RAD54L2: variants seen among roughly 807,000 people sequenced by gnomAD.
RAD54L2 encodes RAD54 like 2.
RAD54L2 carries 27 observed loss-of-function variants against 138.4 expected under a neutral mutation model. The observed-to-expected ratio is 0.20, with a 90% CI of 0.14 to 0.27. RAD54L2 has a LOEUF of 0.27. Among genes scored for constraint, RAD54L2 ranks in the 10% least tolerant of loss-of-function variants. RAD54L2 has a pLI of 1.00. For synonymous variants in RAD54L2, 644 were observed against 723.2 expected (o/e 0.89, Z 1.76); for missense variants, 1,396 against 1,890.2 (o/e 0.74, Z 4.85).
At chr3:51,584,649 T>C (rs1322993267) in intron 2 of RAD54L2, among the ~76,000 whole-genome samples, 1 of 148,090 alleles carries the variant, frequency 6.8e-6, no homozygotes, top group Non-Finnish European at 1.5e-5. Flanking sequence ...TATATATATA[T>C]GCTATATATA....
intron 3 of RAD54L2, among the ~76,000 whole-genome samples, chr3:51,607,920 G>A (rs1236994492): frequency 5.0e-5 from 7 of 139,444 alleles, no homozygotes; most frequent in Admixed American, 2.7e-4. Context: ...GCGGCTGGCC[G>A]GGCGGGGGCT....
chr3:51,553,170 C>T (rs908606694), intron 2 of RAD54L2, among the ~76,000 whole-genome samples: 2 of 152,060 alleles, frequency 1.3e-5, no homozygotes, highest in African/African-American at 2.4e-5. Context: ...CTCCACCTCC[C>T]GAGTTCAAGT....
intron 2 of RAD54L2, 143 bp from the exon 3 acceptor site, chr3:51,590,224 C>T (rs746498240): frequency 1.0e-4 from 52 of 509,724 alleles, no homozygotes; most frequent in Middle Eastern, 1.1e-3. Context: ...CTCCTGACCT[C>T]AAGTGATCCA....
chr3:51,577,490 T>G (rs957260623), intron 2 of RAD54L2, among the ~76,000 whole-genome samples: 8 of 152,134 alleles, frequency 5.3e-5, no homozygotes, highest in South Asian at 2.1e-4. Context: ...AAGTCTCTTT[T>G]TAGGTCTCTA....
intron 3 of RAD54L2, among the ~76,000 whole-genome samples, chr3:51,604,933 T>C (rs1700147454): frequency 6.6e-6 from 1 of 152,032 alleles, no homozygotes. Context: ...CTTTTTTTCT[T>C]TTTTTTGAGA....
At chr3:51,658,330 T>C (rs954190351) in intron 21 of RAD54L2, among the ~76,000 whole-genome samples, 1 of 151,750 alleles carries the variant, frequency 6.6e-6, no homozygotes, top group African/African-American at 2.4e-5. Flanking sequence ...TAAGCCTACA[T>C]ACATTTACCC....
intron 2 of RAD54L2, among the ~76,000 whole-genome samples, chr3:51,560,299 G>T (rs1341123823): frequency 1.3e-5 from 2 of 151,492 alleles, no homozygotes; most frequent in Non-Finnish European, 2.9e-5. Flanking sequence ...TTTTATTGAG[G>T]TTTGAAGAGC....
At chr3:51,633,783 A>G in intron 8 of RAD54L2, 24 bp downstream of exon 8, 2 of 1,613,110 alleles carry the variant, frequency 1.2e-6, no homozygotes, top group Non-Finnish European at 1.7e-6. Flanking sequence ...GGAAGGCACC[A>G]CTTAAGTCAC....
intron 6 of RAD54L2, 108 bp from the exon 7 acceptor site, chr3:51,630,597 T>C: frequency 1.9e-6 from 2 of 1,052,544 alleles, no homozygotes; most frequent in Non-Finnish European, 2.8e-6. Flanking sequence ...TTTTAATAAG[T>C]GTTGACAAGT....
intron 2 of RAD54L2, among the ~76,000 whole-genome samples, chr3:51,551,679 C>T (rs1055253919): frequency 1.3e-4 from 20 of 152,094 alleles, no homozygotes; most frequent in Admixed American, 1.0e-3. Context: ...AAATGACCCA[C>T]CTGCCTCGGC....
At chr3:51,622,879 T>G (rs1482403324) in intron 3 of RAD54L2, among the ~76,000 whole-genome samples, 1 of 152,202 alleles carries the variant, frequency 6.6e-6, no homozygotes, top group Non-Finnish European at 1.5e-5. Context: ...TTCCTTCATT[T>G]TAGCTGGTGC....
At chr3:51,611,406 T>C (rs1243551340) in intron 3 of RAD54L2, 3 of 152,156 alleles carry the variant, frequency 2.0e-5, no homozygotes, top group Non-Finnish European at 4.4e-5. Flanking sequence ...ACTGTTTATG[T>C]TGCAAACAAT....
chr3:51,650,306 A>G (rs1317931353), intron 19 of RAD54L2, among the ~76,000 whole-genome samples: 1 of 152,174 alleles, frequency 6.6e-6, no homozygotes, highest in Non-Finnish European at 1.5e-5. Context: ...GAGACCTACA[A>G]AGAGACTTAG....
Position 51,633,477 on chromosome 3 carries a change from G to A in RAD54L2, c.826-100G>A, listed in dbSNP as rs142420425. ...ATCCACACCTGCTATCTATTATAAC[G>A]CCTTCTCACTTACTTAATTCTTACT... On this transcript the variant is annotated intron_variant, in intron 7 of 22. Transcript: ENST00000684192. 1.5e-4 allele frequency: 175 copies of A among 1,166,034 alleles called. No homozygotes were observed. In the African/African-American group the frequency reaches 2.1e-3, roughly 14 times the overall value. The allele number at this position is 1,166,034 out of a possible 1,614,324, so 72.2% of individuals were successfully genotyped here.
Position 51,637,117 on chromosome 3 carries a change from C to A in RAD54L2, c.1340-44C>A. 1.3e-6 allele frequency: 2 copies of A among 1,486,680 alleles called. No individual in the cohort carries two copies. The highest frequency in any genetic ancestry group is 9.2e-7 in the Non-Finnish European group (1 of 1,089,378). 92.1% of individuals were successfully genotyped at this position (1,486,680 alleles called of 1,614,324 possible). On this transcript the variant is annotated intron_variant, in intron 10 of 22. Transcript: ENST00000684192. This position sits in a 1 kb window ranked among gnomAD's most constrained non-coding sequence, Gnocchi z 5.9. ...TACTTCTCATATTATTGACTAAGAG[C>A]AGGCCCTGTCACCCTCTGACTCCGG...
Position 51,663,845 on chromosome 3 carries a change from A to G in RAD54L2, c.*425A>G, listed in dbSNP as rs1011820417. On this transcript the variant is annotated 3_prime_UTR_variant, in exon 23 of 23. Coordinates refer to ENST00000684192, the MANE Select transcript of RAD54L2 (RefSeq NM_015106.4). ...GGGGAGGGGAGTGAAGGAAGGGAGAATGAGTGAGAGAAGGAGGGTGGGTAG... is the reference window on the plus strand; with the variant it reads ...GGGGAGGGGAGTGAAGGAAGGGAGAGTGAGTGAGAGAAGGAGGGTGGGTAG... 6.4e-6 allele frequency: 1 copy of G among 155,256 alleles called. No individual in the cohort carries two copies. Among genetic ancestry groups the G allele is most frequent in the Non-Finnish European group, 1.4e-5 (1 of 72,780 alleles). 9.6% of individuals were successfully genotyped at this position (155,256 alleles called of 1,614,324 possible).
At chr3:51,657,502 AT>A (rs1397792570) in intron 20 of RAD54L2, 77 bp from the exon 21 acceptor site, 1 of 892,064 alleles carries the variant, frequency 1.1e-6, no homozygotes, top group Non-Finnish European at 1.8e-6. Flanking sequence ...ACTGGGGTAG[AT>A]GTGGGACTTT....
intron 2 of RAD54L2, among the ~76,000 whole-genome samples, chr3:51,560,059 AC>A (rs1465629226): frequency 2.9e-4 from 44 of 150,862 alleles, no homozygotes; most frequent in African/African-American, 9.4e-4. Flanking sequence ...CAGATGAGAA[AC>A]TAAGTGATTT....
At chr3:51,552,020 G>T (rs1292345875) in intron 2 of RAD54L2, among the ~76,000 whole-genome samples, 1 of 152,126 alleles carries the variant, frequency 6.6e-6, no homozygotes, top group Non-Finnish European at 1.5e-5. Flanking sequence ...AAAGTGCTGG[G>T]ATTATAGGCG....
Sources: allele counts gnomAD v4.1 joint callset (sites outside exome capture counted in the v4.1 genomes callset), GRCh38; gene constraint gnomAD v4.1.1; non-coding constraint Gnocchi (gnomAD v3.1); transcripts MANE v1.5; gene names NCBI Gene and HGNC (gene_info 2026-07-23, HGNC 2026-07-21).